The following TTLL5 variants were observed in gnomAD, a reference collection of about 807,000 sequenced individuals.
The protein encoded by TTLL5 is tubulin polyglutamylase TTLL5.
In TTLL5, 132 loss-of-function variants were observed where a neutral mutation model predicts 168.4. The observed-to-expected ratio is 0.78, with a 90% CI of 0.68 to 0.91. The LOEUF (loss-of-function observed/expected upper bound fraction) is 0.91, where lower values mean the gene tolerates loss of function less well. TTLL5 is among the 40% of genes least tolerant of loss of function. The pLI is 0.00. For missense variants in TTLL5, 1,545 were observed against 1,581.5 expected, an observed-to-expected ratio of 0.98 and a Z score of 0.39; for synonymous variants, 546 against 558.6, an observed-to-expected ratio of 0.98 and a Z score of 0.32.
intron 26 of TTLL5, among the ~76,000 whole-genome samples, chr14:75,788,892 A>C (rs956444690): frequency 2.2e-4 from 34 of 152,218 alleles, no homozygotes; most frequent in African/African-American, 8.2e-4. Context: ...CATCTAAAAG[A>C]GGTAGTACAC....
intron 28 of TTLL5, among the ~76,000 whole-genome samples, chr14:75,862,125 G>A (rs1348150324): frequency 6.6e-6 from 1 of 152,180 alleles, no homozygotes; most frequent in East Asian, 1.9e-4. Flanking sequence ...TTTCGTGACT[G>A]ACTTATTTCA....
chr14:75,928,366 T>TCA (rs2034153615), intron 31 of TTLL5, among the ~76,000 whole-genome samples: 1 of 142,358 alleles, frequency 7.0e-6, no homozygotes. Context: ...TATATATATA[T>TCA]ATCACTGTAT....
chr14:75,740,622 T>C (rs1889201171), intron 15 of TTLL5, among the ~76,000 whole-genome samples: 1 of 152,158 alleles, frequency 6.6e-6, no homozygotes, highest in Non-Finnish European at 1.5e-5. Context: ...CCCCTCCACC[T>C]GCCAATTTCA....
At chr14:75,732,920 C>A (rs1271965276) in intron 13 of TTLL5, among the ~76,000 whole-genome samples, 1 of 152,144 alleles carries the variant, frequency 6.6e-6, no homozygotes, top group East Asian at 1.9e-4. Context: ...TTTTTACTAA[C>A]CTATTGTTTA....
chr14:75,721,092 T>C (rs1887807118), intron 12 of TTLL5, among the ~76,000 whole-genome samples: 1 of 152,148 alleles, frequency 6.6e-6, no homozygotes, highest in South Asian at 2.1e-4. Context: ...CTTTCTCCCA[T>C]TTTCCGATGA....
At chr14:75,825,209 AAAAG>A (rs761440217) in intron 28 of TTLL5, among the ~76,000 whole-genome samples, 5 of 152,178 alleles carry the variant, frequency 3.3e-5, no homozygotes, top group African/African-American at 7.2e-5. Context: ...CTTTCCAGAA[AAAAG>A]AAAGAAAGAA....
At chr14:75,868,172 C>G (rs555999107) in intron 29 of TTLL5, among the ~76,000 whole-genome samples, 21 of 152,288 alleles carry the variant, frequency 1.4e-4, no homozygotes, top group Middle Eastern at 3.4e-3. Flanking sequence ...CCAACCCACT[C>G]CCTGCTTCCT....
intron 29 of TTLL5, among the ~76,000 whole-genome samples, chr14:75,876,523 T>C (rs1217058422): frequency 6.6e-6 from 1 of 152,176 alleles, no homozygotes; most frequent in Non-Finnish European, 1.5e-5. Flanking sequence ...TGAGAGGATA[T>C]GTTGGAAGGC....
chr14:75,834,684 A>T (rs1043067609), intron 28 of TTLL5, among the ~76,000 whole-genome samples: 2 of 152,172 alleles, frequency 1.3e-5, no homozygotes. Flanking sequence ...CCATCATTTA[A>T]AAAGAACTTT....
At chr14:75,925,189 A>C (rs1595279421) in intron 31 of TTLL5, among the ~76,000 whole-genome samples, 1 of 104,612 alleles carries the variant, frequency 9.6e-6, no homozygotes. Context: ...GCGGGGGCTG[A>C]CCCCCCCACC....
intron 31 of TTLL5, among the ~76,000 whole-genome samples, chr14:75,925,733 C>T (rs1232026591): frequency 6.6e-6 from 1 of 152,002 alleles, no homozygotes; most frequent in African/African-American, 2.4e-5. Context: ...AAGCCGAGAT[C>T]ACGCCACTGC....
chr14:75,727,714 A>G, intron 12 of TTLL5: 1 of 361,050 alleles, frequency 2.8e-6, no homozygotes, highest in Non-Finnish European at 5.6e-6. Flanking sequence ...AAGCAATGAT[A>G]GATGGATGAA....
chr14:75,871,018 TCTC>T (rs2139981526), intron 29 of TTLL5, among the ~76,000 whole-genome samples: 1 of 152,132 alleles, frequency 6.6e-6, no homozygotes, highest in South Asian at 2.1e-4. Flanking sequence ...ATGGTCTTGA[TCTC>T]CTGACCTTGT....
chr14:75,847,126 C>T (rs934677522), intron 28 of TTLL5, among the ~76,000 whole-genome samples: 1 of 151,928 alleles, frequency 6.6e-6, no homozygotes, highest in African/African-American at 2.4e-5. Context: ...CTCAACCTCC[C>T]AAGTAGCTGG....
chr14:75,896,523 A>T (rs938607905), intron 30 of TTLL5, among the ~76,000 whole-genome samples: 2 of 152,084 alleles, frequency 1.3e-5, no homozygotes, highest in South Asian at 4.1e-4. Context: ...CCTTCCTTCT[A>T]CAGAAAGGTC....
chr14:75,822,027 G>C (rs941813403), intron 28 of TTLL5, among the ~76,000 whole-genome samples: 2 of 152,140 alleles, frequency 1.3e-5, no homozygotes, highest in African/African-American at 2.4e-5. Context: ...GAGAGTCCCA[G>C]TTCCACATGG....
intron 27 of TTLL5, among the ~76,000 whole-genome samples, chr14:75,815,690 G>A (rs1894352263): frequency 6.6e-6 from 1 of 152,186 alleles, no homozygotes; most frequent in African/African-American, 2.4e-5. Flanking sequence ...GTCTGTATCT[G>A]ATGATATTTT....
chr14:75,934,229 C>G (rs2034366024), intron 31 of TTLL5, among the ~76,000 whole-genome samples: 1 of 152,108 alleles, frequency 6.6e-6, no homozygotes, highest in African/African-American at 2.4e-5. Flanking sequence ...CAGTGCACAC[C>G]CAAGGGGAGG....
Position 75,669,505 on chromosome 14 carries a change from A to T in TTLL5, c.164A>T (p.Asn55Ile), listed in dbSNP as rs1450452375. ...HADAILTKDNNIRVIGERYHL... is the reference protein window; with the variant it reads ...HADAILTKDNIIRVIGERYHL... Reference sequence around the variant, plus strand: ...GACGCTATTCTTACAAAGGACAACAATATTAGAGTAATTGGAGGTGCGTAT... The same window carrying T: ...GACGCTATTCTTACAAAGGACAACATTATTAGAGTAATTGGAGGTGCGTAT... Residue 55 changes from asparagine to isoleucine, a missense_variant, in exon 3 of 32, where the codon AAT becomes ATT. Coordinates refer to ENST00000298832, the MANE Select transcript of TTLL5 (RefSeq NM_015072.5). 6.2e-7 allele frequency: 1 copy of T among 1,614,038 alleles called. No homozygotes were observed. Among genetic ancestry groups the T allele is most frequent in the East Asian group, 2.2e-5 (1 of 44,876 alleles).
Sources: gnomAD v4.1 joint callset for allele counts (sites outside exome capture counted in the v4.1 genomes callset) on GRCh38, gnomAD v4.1.1 for gene constraint, MANE v1.5 for transcripts, NCBI Gene and HGNC (gene_info 2026-07-23, HGNC 2026-07-21) for gene names.